The following ITPR1 variants were observed in gnomAD, a reference collection of about 807,000 sequenced individuals.
The protein encoded by ITPR1 is inositol 1,4,5-trisphosphate receptor type 1, also known as inositol 1,4,5-trisphosphate-gated calcium channel ITPR1.
A neutral mutation model predicts 318.4 loss-of-function variants in ITPR1; 96 were observed. That is an observed-to-expected ratio of 0.30 (90% CI 0.26 to 0.36). The LOEUF (loss-of-function observed/expected upper bound fraction) is 0.36. ITPR1 is among the 10% of genes least tolerant of loss of function. The pLI, the probability that ITPR1 is intolerant of heterozygous loss-of-function variation, is 1.00. For synonymous variants in ITPR1, 1,312 were observed against 1,289.9 expected (o/e 1.02, Z -0.37); for missense variants, 2,440 against 3,460.2 (o/e 0.71, Z 7.40).
chr3:4,726,590 ATGTT>A (rs1559780697), intron 41 of ITPR1, among the ~76,000 whole-genome samples: 2 of 152,324 alleles, frequency 1.3e-5, no homozygotes, highest in Non-Finnish European at 2.9e-5. Flanking sequence ...TGCAGTGTCT[ATGTT>A]TTCTAATGAT....
intron 4 of ITPR1, among the ~76,000 whole-genome samples, chr3:4,606,662 A>C (rs932721852): frequency 6.6e-6 from 1 of 152,168 alleles, no homozygotes; most frequent in Admixed American, 6.5e-5. Flanking sequence ...TCTCATGCTC[A>C]GCCTCATGCA....
At chr3:4,838,842 C>G (rs2051122344) in intron 61 of ITPR1, among the ~76,000 whole-genome samples, 1 of 152,160 alleles carries the variant, frequency 6.6e-6, no homozygotes, top group Admixed American at 6.5e-5. Context: ...GTATCTGAAA[C>G]AAACTATTAA....
intron 59 of ITPR1, among the ~76,000 whole-genome samples, chr3:4,816,546 C>A (rs2049315741): frequency 6.6e-6 from 1 of 152,178 alleles, no homozygotes; most frequent in Non-Finnish European, 1.5e-5. Context: ...CTCACCACAA[C>A]TGGCTGATTT....
At position 4,788,027 on chromosome 3, in the gene ITPR1, A is replaced by G. The variant is rs34491089; in HGVS notation, c.6696A>G (p.Lys2232=). The change falls in exon 52 of 62, where the codon AAA becomes AAG. Residue 2232 remains lysine, a synonymous_variant. Coordinates refer to ENST00000649015, the MANE Select transcript of ITPR1 (RefSeq NM_001378452.1). ...GTGAATTCCTAACCAAGGAGTCAAAACTACGAATTTACTATACTACAGAGA... is the reference window on the plus strand; with the variant it reads ...GTGAATTCCTAACCAAGGAGTCAAAGCTACGAATTTACTATACTACAGAGA... ...SICEFLTKES[K]LRIYYTTERD... is the part of the protein sequence containing the mutation. The G allele has an allele frequency of 0.026, 41,948 of 1,612,788 alleles. 715 individuals are homozygous for G. The highest frequency in any genetic ancestry group is 0.053 in the Admixed American group (3,179 of 59,898).
chr3:4,629,874 G>A (rs1173152393), intron 5 of ITPR1, among the ~76,000 whole-genome samples: 1 of 152,080 alleles, frequency 6.6e-6, no homozygotes, highest in African/African-American at 2.4e-5. Context: ...GGATTTAGAG[G>A]GTAGAAGAAG....
At chr3:4,562,805 A>G (rs1382439241) in intron 4 of ITPR1, among the ~76,000 whole-genome samples, 1 of 152,162 alleles carries the variant, frequency 6.6e-6, no homozygotes, top group Non-Finnish European at 1.5e-5. Context: ...GAGTGAGACA[A>G]ATGTAGTCTC....
At chr3:4,737,736 A>T (rs1291086236) in intron 44 of ITPR1, among the ~76,000 whole-genome samples, 2 of 152,210 alleles carry the variant, frequency 1.3e-5, no homozygotes, top group African/African-American at 4.8e-5. Context: ...GGAAGAGCTG[A>T]TGAGAACCTG....
intron 37 of ITPR1, among the ~76,000 whole-genome samples, chr3:4,709,354 G>A (rs966206522): frequency 6.6e-6 from 1 of 152,220 alleles, no homozygotes; most frequent in South Asian, 2.1e-4. Context: ...CACCCAAATT[G>A]TGTTAAATCT....
At chr3:4,548,360 A>C (rs547874921) in intron 4 of ITPR1, among the ~76,000 whole-genome samples, 5 of 152,278 alleles carry the variant, frequency 3.3e-5, no homozygotes, top group African/African-American at 1.2e-4. Flanking sequence ...GAACTCGTAA[A>C]GTGAAAAGGG....
intron 4 of ITPR1, among the ~76,000 whole-genome samples, chr3:4,621,945 T>C (rs545692655): frequency 6.6e-6 from 1 of 152,230 alleles, no homozygotes; most frequent in Admixed American, 6.5e-5. Flanking sequence ...TCAGCCCTAG[T>C]GCATCCATAG....
intron 57 of ITPR1, among the ~76,000 whole-genome samples, chr3:4,813,885 C>G (rs559049925): frequency 6.6e-6 from 1 of 152,282 alleles, no homozygotes; most frequent in African/African-American, 2.4e-5. Context: ...TAGCAAGACC[C>G]TCTGCAGCTG....
chr3:4,511,741 C>T (rs968361157), intron 2 of ITPR1, among the ~76,000 whole-genome samples: 15 of 152,154 alleles, frequency 9.9e-5, no homozygotes, highest in African/African-American at 3.1e-4. Context: ...GGGTTTGAAC[C>T]TGGGCACTTT....
intron 32 of ITPR1, 130 bp from the exon 33 acceptor site, chr3:4,693,360 C>A: frequency 9.7e-7 from 1 of 1,030,358 alleles, no homozygotes; most frequent in Non-Finnish European, 1.4e-6. Context: ...TGAATGAAGT[C>A]AAAATAGGTA....
At chr3:4,628,236 A>T (rs186727236) in intron 5 of ITPR1, among the ~76,000 whole-genome samples, 206 of 152,282 alleles carry the variant, frequency 1.4e-3, no homozygotes, top group African/African-American at 4.8e-3. Flanking sequence ...CACTTCTGTT[A>T]TGTCACCTGT....
chr3:4,620,491 C>T (rs1351944694), intron 4 of ITPR1, among the ~76,000 whole-genome samples: 2 of 152,094 alleles, frequency 1.3e-5, no homozygotes, highest in African/African-American at 2.4e-5. Flanking sequence ...TAAGCCTTTC[C>T]AGGGTTCTGC....
At chr3:4,532,638 C>T (rs745690486) in intron 4 of ITPR1, among the ~76,000 whole-genome samples, 4 of 152,134 alleles carry the variant, frequency 2.6e-5, no homozygotes, top group African/African-American at 4.8e-5. Context: ...CCAAAAGTAT[C>T]GGGATTACAG....
chr3:4,786,733 T>C (rs1225757704), intron 51 of ITPR1, among the ~76,000 whole-genome samples: 1 of 152,174 alleles, frequency 6.6e-6, no homozygotes, highest in African/African-American at 2.4e-5. Context: ...AGGAAGTGCA[T>C]GGAGGAAACT....
chr3:4,836,636 A>T, intron 60 of ITPR1, 138 bp from the exon 61 acceptor site: 1 of 820,356 alleles, frequency 1.2e-6, no homozygotes, highest in Non-Finnish European at 1.7e-6. Context: ...AATACACAGC[A>T]CATAAGTTCT....
chr3:4,670,031 C>T (rs1444539926), intron 19 of ITPR1, among the ~76,000 whole-genome samples: 6 of 152,198 alleles, frequency 3.9e-5, no homozygotes, highest in Non-Finnish European at 8.8e-5. Context: ...GCATTTTATA[C>T]AGCTACATTT....
Sources: allele counts gnomAD v4.1 joint callset (sites outside exome capture counted in the v4.1 genomes callset), GRCh38; gene constraint gnomAD v4.1.1; transcripts MANE v1.5; gene names NCBI Gene and HGNC (gene_info 2026-07-23, HGNC 2026-07-21).